MAP3K14: variants seen among roughly 807,000 people sequenced by gnomAD.
The protein encoded by MAP3K14 is NF-kappa-beta-inducing kinase.
A neutral mutation model predicts 99.2 loss-of-function variants in MAP3K14; 16 were observed. The observed-to-expected ratio is 0.16, with a 90% CI of 0.11 to 0.24. MAP3K14 has a LOEUF of 0.24. MAP3K14 is among the 10% of genes least tolerant of loss of function. The probability of loss-of-function intolerance (pLI) is 1.00; values close to 1 mark genes in which losing one functional copy is unlikely to be tolerated. For missense variants in MAP3K14, 784 were observed against 1,208.7 expected (o/e 0.65, Z 5.21); for synonymous variants, 462 against 492.4 (o/e 0.94, Z 0.82).
At chr17:45,309,577 G>A (rs978850294) in intron 1 of MAP3K14, among the ~76,000 whole-genome samples, 7 of 152,192 alleles carry the variant, frequency 4.6e-5, no homozygotes. Context: ...CACTTCTGAG[G>A]AATAAATGAG....
chr17:45,271,178 C>A lies in MAP3K14; in HGVS notation c.1701G>T (p.Val567=). The A allele has an allele frequency of 6.2e-7, 1 of 1,613,480 alleles. No individual in the cohort carries two copies. The highest frequency in any genetic ancestry group is 1.1e-5 in the South Asian group (1 of 91,042). Reference sequence around the variant, plus strand: ...TGGCGTCGCAGCTCCTGCCCAGCACCACCTCCGGAGCCATGTGGGTCTCTG... The same window carrying A: ...TGGCGTCGCAGCTCCTGCCCAGCACAACCTCCGGAGCCATGTGGGTCTCTG... The part of the protein sequence containing the change: ...PGTETHMAPE[V]VLGRSCDAKV... Residue 567 remains valine (V), a synonymous_variant, in exon 10 of 16, where the codon GTG becomes GTT. Transcript: ENST00000344686.
chr17:45,273,576 G>A lies in MAP3K14; in HGVS notation c.1584C>T (p.Ser528=), dbSNP rs760127582. ...ADNVLLSSDG[S]HAALCDFGHA... is the part of the protein sequence containing the mutation. The stretch of plus-strand genomic sequence containing the variant: ...GGCCAAAGTCACAGAGGGCTGCGTG[G>A]CTCCCATCGCTGGACAGGAGCACGT... Residue 528 remains serine (S), a synonymous_variant, in exon 9 of 16, where the codon AGC becomes AGT. Coordinates refer to ENST00000344686, the MANE Select transcript of MAP3K14 (RefSeq NM_003954.5). 3 of 1,613,180 alleles carry A rather than the reference G, an allele frequency of 1.9e-6. No individual in the cohort carries two copies. The African/African-American group carries it at 4.0e-5, about 22-fold the overall frequency.
At position 45,274,220 on chromosome 17, in the gene MAP3K14, G is replaced by A. The variant is rs549438131; in HGVS notation, c.1455C>T (p.Gly485=). ...GSLGQLVKEQ[G]CLPEDRALYY... ...ACAGGGCCCGGTCCTCTGGGAGACA[G>A]CCCTGCTCCTTGACCAGCTGGCCCA... The change falls in exon 8 of 16, where the codon GGC becomes GGT. Residue 485 remains glycine (G), a synonymous_variant. Coordinates refer to ENST00000344686, the MANE Select transcript of MAP3K14 (RefSeq NM_003954.5). 223 of 1,599,076 alleles carry A rather than the reference G, an allele frequency of 1.4e-4. No individual in the cohort carries two copies. The Middle Eastern group carries it at 1.7e-3, about 12-fold the overall frequency.
At position 45,305,396 on chromosome 17, in the gene MAP3K14, G is replaced by GTTT. The variant is rs35851298; in HGVS notation, c.-21+11561_-21+11563dup. On this transcript the variant is annotated intron_variant, in intron 1 of 15. Transcript: ENST00000344686. ...CAGGCGTGAGCCACAGCGCCCGGCC[G>GTTT]TTTTTTTTTTTTTTTTTGTGAGACA... is the stretch of plus-strand genomic sequence containing the variant. 3.8e-4 allele frequency among the ~76,000 whole-genome samples: 43 copies of GTTT among 113,954 alleles called. 1 individual carries two copies. Among genetic ancestry groups the GTTT allele is most frequent in the African/African-American group, 1.0e-3 (29 of 28,986 alleles). The allele number at this position is 113,954 out of a possible 152,430, so 74.8% of individuals were successfully genotyped here. A position where few individuals can be genotyped will look rare whatever the true frequency, so the allele number is the denominator to read the frequency against.
intron 6 of MAP3K14, among the ~76,000 whole-genome samples, chr17:45,284,422 T>C (rs1382495169): frequency 6.6e-6 from 1 of 152,252 alleles, no homozygotes; most frequent in Non-Finnish European, 1.5e-5. Flanking sequence ...AGGTGGAGGC[T>C]ACTGCTTTCC....
At chr17:45,310,670 A>G (rs1340406805) in intron 1 of MAP3K14, among the ~76,000 whole-genome samples, 1 of 152,124 alleles carries the variant, frequency 6.6e-6, no homozygotes, top group African/African-American at 2.4e-5. Flanking sequence ...GATGCAGAAG[A>G]GCTTCGTGCA....
At position 45,274,878 on chromosome 17, in the gene MAP3K14, C is replaced by G. The variant is rs2044167016; in HGVS notation, c.1291-285G>C. On this transcript the variant is annotated intron_variant, in intron 6 of 15. Coordinates refer to ENST00000344686, the MANE Select transcript of MAP3K14 (RefSeq NM_003954.5). ...CCGCACCGGGCGCAGTGGCTCATGC[C>G]TATAATCCCAGCACTTTGGGAGGCC... 3.9e-5 allele frequency among the ~76,000 whole-genome samples: 6 copies of G among 152,228 alleles called. 1 individual carries two copies. The highest frequency in any genetic ancestry group is 3.9e-4 in the Admixed American group (6 of 15,284).
At chr17:45,279,597 G>A (rs1237772732) in intron 6 of MAP3K14, among the ~76,000 whole-genome samples, 1 of 151,470 alleles carries the variant, frequency 6.6e-6, no homozygotes. Context: ...TAATTTTTTG[G>A]TATTTTTAGT....
chr17:45,309,165 A>C (rs947574603), intron 1 of MAP3K14, among the ~76,000 whole-genome samples: 2 of 152,176 alleles, frequency 1.3e-5, no homozygotes, highest in Non-Finnish European at 2.9e-5. Flanking sequence ...CTGAAAATGC[A>C]CTTCTTTCCC....
chr17:45,272,591 T>C lies in MAP3K14; in HGVS notation c.1657+912A>G, dbSNP rs1427332235. ...AAACGCAGGGCACAAAATTGTGTTA[T>C]AATGGCCCTAACTAGGCACAGGGAA... On this transcript the variant is annotated intron_variant, in intron 9 of 15. Transcript: ENST00000344686. This position sits in a 1 kb window ranked among gnomAD's most constrained non-coding sequence, Gnocchi z 4.1. 1.3e-5 allele frequency among the ~76,000 whole-genome samples: 2 copies of C among 152,198 alleles called. No individual in the cohort carries two copies.
At chr17:45,300,527 C>T (rs1420559357) in intron 1 of MAP3K14, among the ~76,000 whole-genome samples, 1 of 152,214 alleles carries the variant, frequency 6.6e-6, no homozygotes, top group Non-Finnish European at 1.5e-5. Context: ...CTCAACTCTC[C>T]AGGTCCCATG....
intron 6 of MAP3K14, 94 bp from the exon 7 acceptor site, chr17:45,274,687 A>G: frequency 6.9e-7 from 1 of 1,457,174 alleles, no homozygotes; most frequent in Non-Finnish European, 9.2e-7. Context: ...CCACACACAG[A>G]GGCTGCTGCT....
At chr17:45,308,987 A>G (rs1472755457) in intron 1 of MAP3K14, among the ~76,000 whole-genome samples, 1 of 111,542 alleles carries the variant, frequency 9.0e-6, no homozygotes, top group Non-Finnish European at 1.8e-5. Flanking sequence ...AGTTTAAAAA[A>G]ATTTTTTTTT....
At position 45,287,147 on chromosome 17, in the gene MAP3K14, G is replaced by T. The variant is rs552999139; in HGVS notation, c.537+7C>A. ...CTGGGGTCTGGGCAGTGGGTGGAGG[G>T]TCTCACCTGCACTGGGATGGTGCAG... is the stretch of plus-strand genomic sequence containing the variant. On this transcript the variant is annotated splice_region_variant and intron_variant, in intron 4 of 15. Transcript: ENST00000344686. The T allele has an allele frequency of 6.2e-7, 1 of 1,612,256 alleles. No homozygotes were observed. Among genetic ancestry groups the T allele is most frequent in the Non-Finnish European group, 8.5e-7 (1 of 1,178,776 alleles).
rs899808536 is a variant in MAP3K14 at position 45,270,444 on chromosome 17, C to T, written c.1941G>A (p.Leu647=). The part of the protein sequence containing the change: ...EPIHRVSAAE[L]GGKVNRALQQ... ...GTAGTGCCCGGTTCACCTTCCCTCC[C>T]AGCTCCGCTGCAGACACGCGGTGGA... The change falls in exon 11 of 16, where the codon CTG becomes CTA. Residue 647 remains leucine (L), a synonymous_variant. Transcript: ENST00000344686. The T allele has an allele frequency of 6.2e-7, 1 of 1,612,128 alleles. No individual in the cohort carries two copies. Among genetic ancestry groups the T allele is most frequent in the African/African-American group, 1.3e-5 (1 of 74,844 alleles).
intron 1 of MAP3K14, among the ~76,000 whole-genome samples, chr17:45,293,320 C>T (rs1023723364): frequency 7.9e-5 from 12 of 152,300 alleles, no homozygotes; most frequent in Admixed American, 2.6e-4. Context: ...CATGGCCCAA[C>T]GGAGGCTTCT....
At chr17:45,311,455 C>T (rs2044478320) in intron 1 of MAP3K14, among the ~76,000 whole-genome samples, 1 of 152,234 alleles carries the variant, frequency 6.6e-6, no homozygotes, top group Admixed American at 6.5e-5. Context: ...TCAACACCAA[C>T]TGCACTAGTC....
At chr17:45,277,215 C>T (rs902928264) in intron 6 of MAP3K14, among the ~76,000 whole-genome samples, 18 of 152,082 alleles carry the variant, frequency 1.2e-4, no homozygotes, top group Admixed American at 1.1e-3. Flanking sequence ...AGGTTTGTTA[C>T]ATATGTATAC....
intron 2 of MAP3K14, 149 bp downstream of exon 2, chr17:45,290,341 T>C (rs2044300638): frequency 9.6e-7 from 1 of 1,045,644 alleles, no homozygotes; most frequent in East Asian, 2.6e-5. Context: ...CTTTCCATGA[T>C]TCTCGGCACA....
Sources: gnomAD v4.1 joint callset for allele counts (sites outside exome capture counted in the v4.1 genomes callset) on GRCh38, gnomAD v4.1.1 for gene constraint, Gnocchi (gnomAD v3.1) non-coding constraint, MANE v1.5 for transcripts, NCBI Gene and HGNC (gene_info 2026-07-23, HGNC 2026-07-21) for gene names.